The following KCNQ5 variants were observed in gnomAD, a reference collection of about 807,000 sequenced individuals.
The protein encoded by KCNQ5 is potassium voltage-gated channel subfamily KQT member 5.
Under a neutral mutation model 98.2 loss-of-function variants are expected in KCNQ5, and 30 were observed. That is an observed-to-expected ratio of 0.31 (90% CI 0.23 to 0.41). The LOEUF (loss-of-function observed/expected upper bound fraction) is 0.41, where lower values mean the gene tolerates loss of function less well. Among genes scored for constraint, KCNQ5 ranks in the 10% least tolerant of loss-of-function variants. The pLI is 1.00. For synonymous variants in KCNQ5, 458 were observed against 449.4 expected, an observed-to-expected ratio of 1.02 and a Z score of -0.24; for missense variants, 835 against 1,182.5, an observed-to-expected ratio of 0.71 and a Z score of 4.31.
intron 1 of KCNQ5, among the ~76,000 whole-genome samples, chr6:72,838,988 T>A (rs978496158): frequency 6.8e-6 from 1 of 147,508 alleles, no homozygotes; most frequent in African/African-American, 2.5e-5. Context: ...TGGAGCTGAG[T>A]GTGAAATTTG....
At chr6:72,766,165 T>C (rs1772559331) in intron 1 of KCNQ5, among the ~76,000 whole-genome samples, 1 of 151,994 alleles carries the variant, frequency 6.6e-6, no homozygotes, top group Non-Finnish European at 1.5e-5. Flanking sequence ...TGCAGTTGTC[T>C]GGGACAAAAG....
At chr6:72,813,389 GTA>G (rs1254929172) in intron 1 of KCNQ5, among the ~76,000 whole-genome samples, 1 of 151,990 alleles carries the variant, frequency 6.6e-6, no homozygotes, top group Non-Finnish European at 1.5e-5. Context: ...GCCTACTCAG[GTA>G]TAGTTTATTG....
intron 1 of KCNQ5, among the ~76,000 whole-genome samples, chr6:72,930,962 A>G (rs1417742183): frequency 6.6e-6 from 1 of 152,200 alleles, no homozygotes; most frequent in Non-Finnish European, 1.5e-5. Flanking sequence ...TAATAGGGAC[A>G]TTGAACTTTT....
intron 10 of KCNQ5, among the ~76,000 whole-genome samples, chr6:73,168,520 T>G (rs1047092997): frequency 2.0e-5 from 3 of 152,092 alleles, no homozygotes; most frequent in Non-Finnish European, 4.4e-5. Context: ...CTGGCCAACA[T>G]GGTGAAACCC....
At chr6:73,093,667 A>G (rs538472758) in intron 5 of KCNQ5, among the ~76,000 whole-genome samples, 1 of 152,224 alleles carries the variant, frequency 6.6e-6, no homozygotes, top group South Asian at 2.1e-4. Context: ...TTTTGGCCCA[A>G]TGATCATTCA....
chr6:72,881,584 T>C (rs965994929), intron 1 of KCNQ5, among the ~76,000 whole-genome samples: 2 of 152,352 alleles, frequency 1.3e-5, no homozygotes, highest in East Asian at 1.9e-4. Context: ...TGAATGAGGA[T>C]GTGACCAACT....
chr6:72,716,312 A>G (rs959003795), intron 1 of KCNQ5, among the ~76,000 whole-genome samples: 4 of 152,250 alleles, frequency 2.6e-5, no homozygotes, highest in Non-Finnish European at 5.9e-5. Context: ...CAGGAAAGCA[A>G]TTATTTGGAT....
chr6:72,785,256 C>T (rs1408203003), intron 1 of KCNQ5, among the ~76,000 whole-genome samples: 1 of 152,130 alleles, frequency 6.6e-6, no homozygotes, highest in Non-Finnish European at 1.5e-5. Context: ...TGACTATGCT[C>T]CTTTGGTCTG....
At chr6:72,953,300 A>G (rs1766895713) in intron 1 of KCNQ5, among the ~76,000 whole-genome samples, 1 of 152,236 alleles carries the variant, frequency 6.6e-6, no homozygotes, top group African/African-American at 2.4e-5. Context: ...CCAACTAGCT[A>G]CAAACCAAGA....
intron 1 of KCNQ5, among the ~76,000 whole-genome samples, chr6:72,737,070 C>G (rs1171233859): frequency 6.6e-6 from 1 of 152,100 alleles, no homozygotes; most frequent in Non-Finnish European, 1.5e-5. Context: ...AAGTGATTCT[C>G]CTGCCTCAGC....
At chr6:72,833,196 AGT>A (rs1375995713) in intron 1 of KCNQ5, among the ~76,000 whole-genome samples, 1 of 152,178 alleles carries the variant, frequency 6.6e-6, no homozygotes, top group Non-Finnish European at 1.5e-5. Flanking sequence ...ATTTTAGGAC[AGT>A]GCTTAAGGGA....
At chr6:72,641,268 T>C (rs1217659608) in intron 1 of KCNQ5, among the ~76,000 whole-genome samples, 1 of 152,104 alleles carries the variant, frequency 6.6e-6, no homozygotes, top group Non-Finnish European at 1.5e-5. Context: ...AGAGTATGTA[T>C]AAATGTTACA....
At chr6:72,707,851 C>T (rs1267663244) in intron 1 of KCNQ5, among the ~76,000 whole-genome samples, 1 of 152,150 alleles carries the variant, frequency 6.6e-6, no homozygotes, top group Non-Finnish European at 1.5e-5. Context: ...GTAGCTGGGA[C>T]CACATATGGT....
intron 1 of KCNQ5, among the ~76,000 whole-genome samples, chr6:72,679,120 G>T (rs957850643): frequency 1.3e-5 from 2 of 152,118 alleles, no homozygotes; most frequent in African/African-American, 4.8e-5. Flanking sequence ...GGGAAATGAT[G>T]ATGATGACAG....
At chr6:72,819,947 C>T (rs1229520389) in intron 1 of KCNQ5, among the ~76,000 whole-genome samples, 3 of 152,174 alleles carry the variant, frequency 2.0e-5, no homozygotes, top group African/African-American at 7.2e-5. Context: ...CCTCTCTGGT[C>T]TTCTCTGCTC....
chr6:73,106,791 C>A (rs1343163392), intron 6 of KCNQ5, among the ~76,000 whole-genome samples: 1 of 152,128 alleles, frequency 6.6e-6, no homozygotes, highest in Non-Finnish European at 1.5e-5. Flanking sequence ...GAATAAGTTT[C>A]TTTTTTAATA....
rs568522047 is a variant in KCNQ5, at chr6:73,115,231, A to G, written c.1125+3828A>G. ...ACAGAAGGTAAGATAAAGTTGTGAA[A>G]ATTTCCCTGAAACTAGAATAAACAG... is the stretch of plus-strand genomic sequence containing the variant. On this transcript the variant is annotated intron_variant, in intron 7 of 13. Transcript: ENST00000370398. Among the ~76,000 whole-genome samples, 107 of 152,324 alleles carry G rather than the reference A, an allele frequency of 7.0e-4. No homozygotes were observed. The South Asian group carries it at 7.9e-3, about 11-fold the overall frequency.
intron 1 of KCNQ5, among the ~76,000 whole-genome samples, chr6:72,632,487 G>T (rs1315598824): frequency 6.6e-6 from 1 of 152,094 alleles, no homozygotes; most frequent in African/African-American, 2.4e-5. Context: ...TTTAGAGACG[G>T]GGGTACTTGT....
At chr6:72,732,851 G>A (rs1179593226) in intron 1 of KCNQ5, among the ~76,000 whole-genome samples, 2 of 152,152 alleles carry the variant, frequency 1.3e-5, no homozygotes, top group African/African-American at 4.8e-5. Flanking sequence ...TCCTTAAGGC[G>A]GGAGAAGGGG....
Sources: allele counts gnomAD v4.1 joint callset (sites outside exome capture counted in the v4.1 genomes callset), GRCh38; gene constraint gnomAD v4.1.1; transcripts MANE v1.5; gene names NCBI Gene and HGNC (gene_info 2026-07-23, HGNC 2026-07-21).